The following VWA5B1 variants were observed in gnomAD, a reference collection of about 807,000 sequenced individuals.
VWA5B1 encodes von Willebrand factor A domain containing 5B1, also known as von Willebrand factor A domain-containing protein 5B1.
VWA5B1 carries 115 observed loss-of-function variants against 118.2 expected under a neutral mutation model. The observed-to-expected ratio is 0.97, with a 90% CI of 0.84 to 1.14. The LOEUF (loss-of-function observed/expected upper bound fraction) is 1.14. Among genes scored for constraint, VWA5B1 ranks in the 50% most tolerant of loss-of-function variants. The pLI, the probability that VWA5B1 is intolerant of heterozygous loss-of-function variation, is 0.00. For synonymous variants in VWA5B1, 682 were observed against 658.4 expected (o/e 1.04, Z -0.55); for missense variants, 1,596 against 1,603.8 (o/e 1.00, Z 0.08).
intron 1 of VWA5B1, among the ~76,000 whole-genome samples, chr1:20,308,662 C>T (rs1161703182): frequency 6.6e-6 from 1 of 152,194 alleles, no homozygotes; most frequent in Non-Finnish European, 1.5e-5. Flanking sequence ...CAGCTCCCTC[C>T]CGGCTCTTTA....
intron 12 of VWA5B1, 51 bp downstream of exon 12, chr1:20,333,002 T>G: frequency 6.5e-7 from 1 of 1,533,778 alleles, no homozygotes; most frequent in Non-Finnish European, 8.8e-7. Context: ...AACCCATGCC[T>G]ACAAATCAGC....
rs749765504 is a variant in VWA5B1 at position 20,345,420 on chromosome 1, G to A, written c.2627-36G>A. ...GCTTGTGTGTCAGGGAAGACTTTCT[G>A]AGTCCAAACAGTGACCCCAGTTTCT... On this transcript the variant is annotated intron_variant, in intron 16 of 21. Transcript: ENST00000289815. 13 of 1,550,328 alleles carry A rather than the reference G, an allele frequency of 8.4e-6. No individual in the cohort carries two copies. The South Asian group carries it at 1.4e-4, about 17-fold the overall frequency.
At chr1:20,316,884 G>A (rs542540102) in intron 4 of VWA5B1, among the ~76,000 whole-genome samples, 5 of 152,228 alleles carry the variant, frequency 3.3e-5, no homozygotes, top group Admixed American at 2.0e-4. Context: ...GGAGATCTGG[G>A]CCAGGACTCT....
intron 4 of VWA5B1, among the ~76,000 whole-genome samples, chr1:20,316,229 C>T (rs905278295): frequency 6.6e-6 from 1 of 152,152 alleles, no homozygotes; most frequent in Non-Finnish European, 1.5e-5. Flanking sequence ...TCTGGCAATC[C>T]TCGGTGTGGC....
chr1:20,333,266 G>A (rs2089624148), intron 12 of VWA5B1, among the ~76,000 whole-genome samples: 2 of 152,192 alleles, frequency 1.3e-5, no homozygotes, highest in Non-Finnish European at 2.9e-5. Flanking sequence ...TTGAGATCAG[G>A]AACTTGAGAT....
In VWA5B1 at chr1:20,355,563, C is replaced by T. The variant is rs1236635478; in HGVS notation, c.*1300C>T. Among the ~76,000 whole-genome samples the T allele has an allele frequency of 2.0e-5, 3 of 152,250 alleles. No individual in the cohort carries two copies. The highest frequency in any genetic ancestry group is 7.2e-5 in the African/African-American group (3 of 41,480). ...GCCTTAATCTCTCCTCATCAAATTC[C>T]TGTCCCAACCTTGGAGTGAAGCTCC... On this transcript the variant is annotated 3_prime_UTR_variant, in exon 22 of 22. Coordinates refer to ENST00000289815, the MANE Select transcript of VWA5B1 (RefSeq NM_001039500.3).
intron 12 of VWA5B1, among the ~76,000 whole-genome samples, chr1:20,333,705 G>C (rs574960773): frequency 6.6e-6 from 1 of 152,312 alleles, no homozygotes; most frequent in South Asian, 2.1e-4. Flanking sequence ...TGATTCCCTT[G>C]TCTGTGGTGG....
At position 20,354,073 on chromosome 1, in the gene VWA5B1, C is replaced by A; in HGVS notation, c.3458C>A (p.Ser1153Ter). The A allele has an allele frequency of 6.4e-7, 1 of 1,551,532 alleles. No individual in the cohort carries two copies. Among genetic ancestry groups the A allele is most frequent in the South Asian group, 1.2e-5 (1 of 84,056 alleles). Reference sequence around the variant, plus strand: ...GGGCTGGCATGGCTGGAGCACAGTTCGGCCTCCTACTTCACTGAGTGGGAG... The same window carrying A: ...GGGCTGGCATGGCTGGAGCACAGTTAGGCCTCCTACTTCACTGAGTGGGAG... The part of the protein sequence containing the change: ...VVGLAWLEHS[S>*]ASYFTEWELV... The change falls in exon 22 of 22, where the codon TCG (serine) becomes TAG (stop). Residue 1153 changes from serine (S) to a stop codon, truncating the protein, a stop_gained. Transcript: ENST00000289815. LOFTEE classifies it high-confidence loss of function.
chr1:20,333,087 C>T, intron 12 of VWA5B1, 136 bp downstream of exon 12: 10 of 1,135,976 alleles, frequency 8.8e-6, no homozygotes, highest in Non-Finnish European at 1.2e-5. Context: ...TTACAGTTTT[C>T]CCAGTTGTGG....
At chr1:20,311,693 C>A (rs536847225) in intron 2 of VWA5B1, among the ~76,000 whole-genome samples, 7 of 152,286 alleles carry the variant, frequency 4.6e-5, no homozygotes, top group African/African-American at 1.4e-4. Context: ...GTGATGGGGC[C>A]TCATAACCAC....
rs1364102866 is a variant in VWA5B1, at chr1:20,356,096, T to C, written c.*1833T>C. On this transcript the variant is annotated 3_prime_UTR_variant, in exon 22 of 22. Transcript: ENST00000289815. ...TGTGAGCGGAGCTTTGTCATCTCCC[T>C]GCACACTCCCCATCCCCTGCCAAAA... Among the ~76,000 whole-genome samples the C allele has an allele frequency of 2.0e-5, 3 of 152,208 alleles. No individual in the cohort carries two copies. The highest frequency in any genetic ancestry group is 2.9e-5 in the Non-Finnish European group (2 of 68,026).
intron 20 of VWA5B1, among the ~76,000 whole-genome samples, chr1:20,351,804 C>T (rs2090136213): frequency 6.6e-6 from 1 of 152,170 alleles, no homozygotes; most frequent in Non-Finnish European, 1.5e-5. Flanking sequence ...GAGATCCTGT[C>T]TCAGAAACAA....
At chr1:20,302,785 A>C (rs2088534691) in intron 1 of VWA5B1, among the ~76,000 whole-genome samples, 1 of 152,056 alleles carries the variant, frequency 6.6e-6, no homozygotes, top group Non-Finnish European at 1.5e-5. Context: ...GCCTTGAAGG[A>C]TGGCTAAGGA....
Position 20,330,208 on chromosome 1 carries a change from T to A in VWA5B1, c.1283T>A (p.Ile428Asn), listed in dbSNP as rs759911822. The change falls in exon 10 of 22, where the codon ATC (isoleucine) becomes AAC (asparagine). Residue 428 changes from isoleucine to asparagine, a missense_variant. Physicochemically the swap from Ile to Asn is moderately radical, Grantham distance 149. Transcript: ENST00000289815. ...AGCTTGGCCATGGCTTGTGATGACA[T>A]CCAGAGAATGAAGGCCGACATGGGT... ...EDSLAMACDDIQRMKADMGGT... is the reference protein window; with the variant it reads ...EDSLAMACDDNQRMKADMGGT... The A allele has an allele frequency of 1.3e-6, 2 of 1,551,674 alleles. No homozygotes were observed. Among genetic ancestry groups the A allele is most frequent in the East Asian group, 4.9e-5 (2 of 40,906 alleles).
chr1:20,320,529 G>T (rs1442209847), intron 7 of VWA5B1, among the ~76,000 whole-genome samples: 1 of 152,248 alleles, frequency 6.6e-6, no homozygotes, highest in South Asian at 2.1e-4. Flanking sequence ...GAGAACTGCT[G>T]CCTATGGGCC....
intron 11 of VWA5B1, among the ~76,000 whole-genome samples, chr1:20,332,153 C>G (rs1388376878): frequency 1.3e-5 from 2 of 152,142 alleles, no homozygotes; most frequent in Non-Finnish European, 2.9e-5. Flanking sequence ...AGTCACAGCC[C>G]TACTTTGAGC....
chr1:20,333,786 A>G (rs1330072433), intron 12 of VWA5B1, among the ~76,000 whole-genome samples: 1 of 152,250 alleles, frequency 6.6e-6, no homozygotes, highest in East Asian at 1.9e-4. Context: ...AGAGGTTGCC[A>G]AAGAAGCTGT....
In VWA5B1 at chr1:20,357,953, C is replaced by T. The variant is rs2101043857; in HGVS notation, c.*3690C>T. On this transcript the variant is annotated 3_prime_UTR_variant, in exon 22 of 22. Coordinates refer to ENST00000289815, the MANE Select transcript of VWA5B1 (RefSeq NM_001039500.3). Reference sequence around the variant, plus strand: ...GGAATGTCCCTGCAACAGAGTGCCCCGAGGGCCCAACCTCCCACCACATGC... The same window carrying T: ...GGAATGTCCCTGCAACAGAGTGCCCTGAGGGCCCAACCTCCCACCACATGC... 1.3e-5 allele frequency among the ~76,000 whole-genome samples: 2 copies of T among 152,272 alleles called. No homozygotes were observed. Among genetic ancestry groups the T allele is most frequent in the Middle Eastern group, 3.4e-3 (1 of 294 alleles).
chr1:20,317,706 G>A, intron 5 of VWA5B1, 31 bp downstream of exon 5: 1 of 1,536,246 alleles, frequency 6.5e-7, no homozygotes, highest in Non-Finnish European at 8.8e-7. Context: ...CGGGATGGGT[G>A]AGCTTCAGGC....
Sources: gnomAD v4.1 joint callset for allele counts (sites outside exome capture counted in the v4.1 genomes callset) on GRCh38, gnomAD v4.1.1 for gene constraint, MANE v1.5 for transcripts, NCBI Gene and HGNC (gene_info 2026-07-23, HGNC 2026-07-21) for gene names.